Variants in CFAP69 observed in about 807,000 individuals in gnomAD.
CFAP69 encodes the protein cilia and flagella associated protein 69, also known as cilia- and flagella-associated protein 69.
CFAP69 carries 92 observed loss-of-function variants against 123.0 expected under a neutral mutation model. The ratio of observed to expected loss-of-function variants is 0.75; its 90% CI spans 0.63 to 0.89. The LOEUF (loss-of-function observed/expected upper bound fraction) is 0.89. Ranked by LOEUF, CFAP69 falls within the 40% of genes least tolerant of loss-of-function variation. CFAP69 has a pLI of 0.00. For missense variants in CFAP69, 1,067 were observed against 1,096.9 expected, an observed-to-expected ratio of 0.97 and a Z score of 0.39; for synonymous variants, 380 against 364.3, an observed-to-expected ratio of 1.04 and a Z score of -0.49.
At chr7:90,256,708 CATT>C (rs1360188956) in intron 2 of CFAP69, among the ~76,000 whole-genome samples, 1 of 152,066 alleles carries the variant, frequency 6.6e-6, no homozygotes, top group African/African-American at 2.4e-5. Context: ...TTCTGGCTAT[CATT>C]GTTGTGAAAA....
chr7:90,312,728 G>A (rs1014064717), downstream of CFAP69: 1 of 152,186 alleles, frequency 6.6e-6, no homozygotes, highest in Non-Finnish European at 1.5e-5. Context: ...CCACCCCTGA[G>A]CCCTAGGGGA....
intron 1 of CFAP69, among the ~76,000 whole-genome samples, chr7:90,247,296 G>A (rs1279864251): frequency 6.6e-6 from 1 of 152,204 alleles, no homozygotes; most frequent in Non-Finnish European, 1.5e-5. Flanking sequence ...TTAGGCCTCT[G>A]CCTTAGGCCA....
chr7:90,290,911 G>A (rs1454666891), intron 15 of CFAP69, among the ~76,000 whole-genome samples: 1 of 151,930 alleles, frequency 6.6e-6, no homozygotes, highest in Non-Finnish European at 1.5e-5. Flanking sequence ...AATAGTATCT[G>A]TTGCAACCAC....
chr7:90,300,679 T>G, intron 17 of CFAP69: 1 of 238,174 alleles, frequency 4.2e-6, no homozygotes, highest in Non-Finnish European at 6.8e-6. Context: ...AGACAGGGTT[T>G]CACTCAGGTC....
chr7:90,283,307 T>A (rs1055618812), intron 13 of CFAP69, among the ~76,000 whole-genome samples: 15 of 152,214 alleles, frequency 9.9e-5, no homozygotes, highest in African/African-American at 3.1e-4. Flanking sequence ...TATCTTTTTT[T>A]AAAATGGTCT....
Position 90,299,943 on chromosome 7 carries a change from A to T in CFAP69, c.1934A>T (p.His645Leu), listed in dbSNP as rs1792538791. ...TGTGATAATCCCAAAACTGCAGCTC[A>T]TGTCAATGCTTGGCAAGGGAAGAAG... The part of the protein sequence containing the change: ...EFCDNPKTAA[H>L]VNAWQGKKDQ... Residue 645 changes from histidine (H) to leucine (L), a missense_variant, in exon 17 of 23, where the codon CAT becomes CTT. Physicochemically the swap from His to Leu is moderately conservative, Grantham distance 99. Coordinates refer to ENST00000389297, the MANE Select transcript of CFAP69 (RefSeq NM_001039706.3). The T allele has an allele frequency of 1.2e-6, 2 of 1,611,878 alleles. No homozygotes were observed. The highest frequency in any genetic ancestry group is 1.7e-6 in the Non-Finnish European group (2 of 1,178,682).
chr7:90,305,683 T>A (rs965559994), intron 19 of CFAP69, among the ~76,000 whole-genome samples: 3 of 151,826 alleles, frequency 2.0e-5, no homozygotes, highest in Admixed American at 6.5e-5. Context: ...TTCTTCTCTT[T>A]GGAGTTGAAA....
At chr7:90,263,888 A>T (rs182701360) in intron 4 of CFAP69, among the ~76,000 whole-genome samples, 1 of 151,924 alleles carries the variant, frequency 6.6e-6, no homozygotes, top group Non-Finnish European at 1.5e-5. Flanking sequence ...CAGGAGATGG[A>T]GACCATCCTG....
At chr7:90,323,524 G>A in the CFAP69 span, among the ~76,000 whole-genome samples, 1 of 152,068 alleles carries the variant, frequency 6.6e-6, no homozygotes, top group Admixed American at 6.6e-5. Context: ...AATTTCTCAG[G>A]CAATTCCTAA....
the CFAP69 span, chr7:90,319,347 AT>A: frequency 2.5e-6 from 1 of 398,584 alleles, no homozygotes; most frequent in Non-Finnish European, 4.4e-6. Context: ...TTAAATACAC[AT>A]TTAAATTACC....
downstream of CFAP69, among the ~76,000 whole-genome samples, chr7:90,311,631 C>T (rs1375656750): frequency 3.9e-5 from 6 of 152,162 alleles, no homozygotes; most frequent in Non-Finnish European, 5.9e-5. Flanking sequence ...CCTCTTCCCC[C>T]AACTCACATT....
At position 90,266,403 on chromosome 7, in the gene CFAP69, A is replaced by C. The variant is rs567881652; in HGVS notation, c.433+1026A>C. On this transcript the variant is annotated intron_variant, in intron 5 of 22. Transcript: ENST00000389297. Reference sequence around the variant, plus strand: ...AATATGGGAATTTTTAATTATGTGAATCTCTATCATCAGCAGAAATTTACA... The same window carrying C: ...AATATGGGAATTTTTAATTATGTGACTCTCTATCATCAGCAGAAATTTACA... 6.6e-5 allele frequency among the ~76,000 whole-genome samples: 10 copies of C among 152,226 alleles called. No homozygotes were observed. In the South Asian group the frequency reaches 1.7e-3, roughly 25 times the overall value.
chr7:90,319,558 A>G, the CFAP69 span: 2 of 398,496 alleles, frequency 5.0e-6, no homozygotes, highest in African/African-American at 4.1e-5. Context: ...ATTGTGCTCT[A>G]TCTTGAGTTC....
At chr7:90,264,135 ATATATATATATATATG>A (rs1483874394) in intron 4 of CFAP69, among the ~76,000 whole-genome samples, 6 of 126,728 alleles carry the variant, frequency 4.7e-5, no homozygotes, top group African/African-American at 8.5e-5. Context: ...ATATATATAT[ATATATATATATATATG>A]AATTAAAAGT....
At chr7:90,315,225 A>G (rs1442774139), downstream of CFAP69, among the ~76,000 whole-genome samples, 1 of 152,152 alleles carries the variant, frequency 6.6e-6, no homozygotes, top group Non-Finnish European at 1.5e-5. Context: ...AAACAGAACT[A>G]CTATTCGACC....
chr7:90,291,474 C>T (rs537809655), intron 15 of CFAP69, among the ~76,000 whole-genome samples: 1 of 152,286 alleles, frequency 6.6e-6, no homozygotes, highest in East Asian at 1.9e-4. Context: ...TTGCGACCTC[C>T]TATCTCATCC....
the CFAP69 span, chr7:90,319,133 G>A: frequency 1.4e-5 from 5 of 367,346 alleles, no homozygotes; most frequent in Non-Finnish European, 2.4e-5. Context: ...CTACCAAAGT[G>A]TATTATATTC....
chr7:90,247,624 G>A (rs28949602), intron 1 of CFAP69, among the ~76,000 whole-genome samples: 2,997 of 152,228 alleles, frequency 0.02, 98 homozygotes, highest in East Asian at 0.11. Context: ...GGGGAGGGCA[G>A]ATCACGAGTT....
At chr7:90,294,478 A>C (rs1304030224) in intron 15 of CFAP69, among the ~76,000 whole-genome samples, 2 of 152,180 alleles carry the variant, frequency 1.3e-5, no homozygotes, top group African/African-American at 4.8e-5. Flanking sequence ...ATACATTTAA[A>C]TATGGAGACA....
Sources: gnomAD v4.1 joint callset for allele counts (sites outside exome capture counted in the v4.1 genomes callset) on GRCh38, gnomAD v4.1.1 for gene constraint, MANE v1.5 for transcripts, NCBI Gene and HGNC (gene_info 2026-07-23, HGNC 2026-07-21) for gene names.